The following PREX1 variants were observed in gnomAD, a reference collection of about 807,000 sequenced individuals.
The protein encoded by PREX1 is phosphatidylinositol 3,4,5-trisphosphate-dependent Rac exchanger 1 protein.
Under a neutral mutation model 198.3 loss-of-function variants are expected in PREX1, and 41 were observed. The ratio of observed to expected loss-of-function variants is 0.21; its 90% CI spans 0.16 to 0.27. The LOEUF (loss-of-function observed/expected upper bound fraction) is 0.27, where lower values mean the gene tolerates loss of function less well. Among genes scored for constraint, PREX1 ranks in the 10% least tolerant of loss-of-function variants. PREX1 has a pLI of 1.00. For synonymous variants in PREX1, 843 were observed against 887.2 expected (o/e 0.95, Z 0.89); for missense variants, 1,620 against 2,200.7 (o/e 0.74, Z 5.28).
At chr20:48,635,948 G>A (rs753730284) in intron 32 of PREX1, among the ~76,000 whole-genome samples, 5 of 152,292 alleles carry the variant, frequency 3.3e-5, no homozygotes, top group Admixed American at 2.0e-4. Context: ...CCAGGCAGGC[G>A]TCTTGTGCAG....
intron 3 of PREX1, among the ~76,000 whole-genome samples, chr20:48,743,365 T>C (rs1173890767): frequency 6.6e-6 from 1 of 152,114 alleles, no homozygotes; most frequent in African/African-American, 2.4e-5. Context: ...CTTCTCACCA[T>C]CTCCACTGCT....
rs887193906 is a variant in PREX1 at position 48,684,049 on chromosome 20, T to C, written c.1335-2714A>G. On this transcript the variant is annotated intron_variant, in intron 10 of 39. Transcript: ENST00000371941. The surrounding 1 kb of genome is among the most constrained non-coding windows in gnomAD (Gnocchi z 4.2). ...AGCTGGAGATACAAGGAGAAGGCAA[T>C]CTAGCTTGATGGGCAGTCTGAGAGT... Among the ~76,000 whole-genome samples the C allele has an allele frequency of 6.6e-6, 1 of 152,044 alleles. No individual in the cohort carries two copies. The highest frequency in any genetic ancestry group is 6.6e-5 in the Admixed American group (1 of 15,266).
intron 1 of PREX1, among the ~76,000 whole-genome samples, chr20:48,751,996 C>T (rs2090136221): frequency 6.6e-6 from 1 of 152,110 alleles, no homozygotes; most frequent in Non-Finnish European, 1.5e-5. Flanking sequence ...AGACTGGAAA[C>T]GGGATGAGGA....
chr20:48,858,657 A>G, the PREX1 span, among the ~76,000 whole-genome samples: 1 of 152,204 alleles, frequency 6.6e-6, no homozygotes, highest in African/African-American at 2.4e-5. Flanking sequence ...GGTGACAGAC[A>G]GGATCCCAGG....
At chr20:48,715,446 C>T (rs1294414419) in intron 5 of PREX1, among the ~76,000 whole-genome samples, 1 of 152,174 alleles carries the variant, frequency 6.6e-6, no homozygotes, top group Admixed American at 6.5e-5. Flanking sequence ...GATGATGAAA[C>T]TGGAGAGCTC....
chr20:48,833,750 C>T, the PREX1 span, among the ~76,000 whole-genome samples: 1 of 152,222 alleles, frequency 6.6e-6, no homozygotes, highest in South Asian at 2.1e-4. Flanking sequence ...CGACCCTATC[C>T]TTTCAAATAA....
chr20:48,838,116 G>A, the PREX1 span, among the ~76,000 whole-genome samples: 1 of 152,214 alleles, frequency 6.6e-6, no homozygotes. Flanking sequence ...AAGCCAGGCA[G>A]CGGTTTCCTC....
intron 2 of PREX1, 50 bp from the exon 3 acceptor site, chr20:48,745,197 G>C: frequency 1.3e-6 from 2 of 1,556,076 alleles, no homozygotes; most frequent in Non-Finnish European, 1.7e-6. Context: ...CAGAGGGAGA[G>C]CAAAGCCAAG....
chr20:48,771,754 C>T (rs185480862), intron 1 of PREX1, among the ~76,000 whole-genome samples: 3 of 152,312 alleles, frequency 2.0e-5, no homozygotes, highest in East Asian at 1.9e-4. Flanking sequence ...ATGCCGGACA[C>T]GGTTCCAAGT....
the PREX1 span, among the ~76,000 whole-genome samples, chr20:48,842,377 T>G: frequency 3.9e-5 from 6 of 152,106 alleles, no homozygotes; most frequent in Admixed American, 6.6e-5. Context: ...CCACTATGAT[T>G]TGCAAATCAA....
At chr20:48,694,304 A>G (rs2089834587) in intron 7 of PREX1, among the ~76,000 whole-genome samples, 1 of 152,200 alleles carries the variant, frequency 6.6e-6, no homozygotes, top group South Asian at 2.1e-4. Context: ...ATCTGGCCAG[A>G]GCTTCCTATG....
At position 48,681,316 on chromosome 20, in the gene PREX1, G is replaced by A. The variant is rs201166803; in HGVS notation, c.1354C>T (p.Leu452=). The part of the protein sequence containing the change: ...FLGNEFVAWL[L]EIGEISKTEE... The stretch of plus-strand genomic sequence containing the variant: ...GTCTTGCTGATTTCACCAATTTCTA[G>A]GAGCCAGGCAACGAACTCACTGCCA... Residue 452 remains leucine, a synonymous_variant, in exon 11 of 40, where the codon CTA becomes TTA. Coordinates refer to ENST00000371941, the MANE Select transcript of PREX1 (RefSeq NM_020820.4). The A allele has an allele frequency of 2.0e-5, 32 of 1,614,042 alleles. No homozygotes were observed. The highest frequency in any genetic ancestry group is 3.3e-4 in the Middle Eastern group (2 of 6,084).
intron 6 of PREX1, among the ~76,000 whole-genome samples, chr20:48,702,561 A>G (rs2089880854): frequency 6.6e-6 from 1 of 152,234 alleles, no homozygotes; most frequent in Admixed American, 6.5e-5. Context: ...CTGCCAGGGC[A>G]CATCCTCGAA....
In PREX1 at chr20:48,686,608, T is replaced by C. The variant is rs1046273244; in HGVS notation, c.1334+2049A>G. ...GCCCCTCCTGAGAGAAAAACCTCCT[T>C]TCCTGTGGGATTAGGAGTTGGCTGA... On this transcript the variant is annotated intron_variant, in intron 10 of 39. Coordinates refer to ENST00000371941, the MANE Select transcript of PREX1 (RefSeq NM_020820.4). Among the ~76,000 whole-genome samples, 5 of 152,266 alleles carry C rather than the reference T, an allele frequency of 3.3e-5. No individual in the cohort carries two copies. The South Asian group carries it at 8.3e-4, about 25-fold the overall frequency.
chr20:48,635,200 G>A (rs1035156573), intron 32 of PREX1, among the ~76,000 whole-genome samples: 8 of 151,730 alleles, frequency 5.3e-5, no homozygotes, highest in East Asian at 1.9e-4. Context: ...TTTCTCTCCC[G>A]CTCACCCTGG....
chr20:48,771,316 A>G lies in PREX1; in HGVS notation c.220-23436T>C, dbSNP rs184247925. Among the ~76,000 whole-genome samples, 16 of 151,536 alleles carry G rather than the reference A, an allele frequency of 1.1e-4. No individual in the cohort carries two copies. The East Asian group carries it at 2.9e-3, about 28-fold the overall frequency. On this transcript the variant is annotated intron_variant, in intron 1 of 39. Coordinates refer to ENST00000371941, the MANE Select transcript of PREX1 (RefSeq NM_020820.4). ...GGTGTTTCAATGAGTAACCTGGTAC[A>G]TAAAAGTATCTGGGGATTTTCCCCC...
intron 1 of PREX1, among the ~76,000 whole-genome samples, chr20:48,812,474 T>A (rs2090440788): frequency 6.6e-6 from 1 of 151,310 alleles, no homozygotes; most frequent in African/African-American, 2.4e-5. Flanking sequence ...GAGGAATGGG[T>A]AAATAATGTA....
At position 48,700,509 on chromosome 20, in the gene PREX1, T is replaced by G. The variant is rs11906237; in HGVS notation, c.917+244A>C. On this transcript the variant is annotated intron_variant, in intron 7 of 39. Coordinates refer to ENST00000371941, the MANE Select transcript of PREX1 (RefSeq NM_020820.4). Reference sequence around the variant, plus strand: ...AAATATTCTCATATTTGGGGATCTATTAGGTTAACTAAAATATATTATTTA... The same window carrying G: ...AAATATTCTCATATTTGGGGATCTAGTAGGTTAACTAAAATATATTATTTA... 8.9e-3 allele frequency among the ~76,000 whole-genome samples: 1,353 copies of G among 152,292 alleles called. 19 individuals carry two copies. Among genetic ancestry groups the G allele is most frequent in the African/African-American group, 0.031 (1,280 of 41,556 alleles).
In PREX1 at chr20:48,688,697, G is replaced by A. The variant is rs568035687; in HGVS notation, c.1294C>T (p.Arg432Trp). Reference sequence around the variant, plus strand: ...TTGGGGACAGTGCTCAGCTTTCTCCGGCGGTCCTTGATGAGGTTCACCTTC... The same window carrying A: ...TTGGGGACAGTGCTCAGCTTTCTCCAGCGGTCCTTGATGAGGTTCACCTTC... The part of the protein sequence containing the change: ...NKKVNLIKDR[R>W]RKLSTVPKCF... Residue 432 changes from arginine (R) to tryptophan (W), a missense_variant, in exon 10 of 40, where the codon CGG (arginine) becomes TGG (tryptophan). Physicochemically the swap from Arg to Trp is moderately radical, Grantham distance 101 (BLOSUM62 -3). This residue lies in a region of PREX1 where 488 missense variants were observed against 802.5 expected (regional missense o/e 0.61). Transcript: ENST00000371941. 14 of 1,614,148 alleles carry A rather than the reference G, an allele frequency of 8.7e-6. No individual in the cohort carries two copies. The highest frequency in any genetic ancestry group is 2.7e-5 in the African/African-American group (2 of 75,042).
Sources: allele counts gnomAD v4.1 joint callset (sites outside exome capture counted in the v4.1 genomes callset), GRCh38; gene constraint gnomAD v4.1.1; regional missense constraint gnomAD v4.1.1; non-coding constraint Gnocchi (gnomAD v3.1); transcripts MANE v1.5; gene names NCBI Gene and HGNC (gene_info 2026-07-23, HGNC 2026-07-21).